CSRNP3: variants seen among roughly 807,000 people sequenced by gnomAD.
The protein encoded by CSRNP3 is cysteine and serine rich nuclear protein 3.
In CSRNP3, 12 loss-of-function variants were observed where a neutral mutation model predicts 48.0. The ratio of observed to expected loss-of-function variants is 0.25; its 90% CI spans 0.16 to 0.41. The LOEUF (loss-of-function observed/expected upper bound fraction) is 0.41, where lower values mean the gene tolerates loss of function less well. Among genes scored for constraint, CSRNP3 ranks in the 10% least tolerant of loss-of-function variants. The pLI is 1.00. For synonymous variants in CSRNP3, 263 were observed against 269.7 expected (o/e 0.98, Z 0.24); for missense variants, 580 against 724.4 (o/e 0.80, Z 2.29).
chr2:165,486,364 G>T (rs1459190794), intron 1 of CSRNP3, among the ~76,000 whole-genome samples: 2 of 151,238 alleles, frequency 1.3e-5, no homozygotes, highest in Non-Finnish European at 3.0e-5. Flanking sequence ...AGCGAGGCTG[G>T]GGGAGGGGCG....
intron 4 of CSRNP3, among the ~76,000 whole-genome samples, chr2:165,603,596 A>C (rs1685960615): frequency 6.6e-6 from 1 of 152,000 alleles, no homozygotes; most frequent in African/African-American, 2.4e-5. Flanking sequence ...TCTTTATATA[A>C]GTTTCCATGC....
chr2:165,581,434 A>G (rs1020370345), intron 3 of CSRNP3, among the ~76,000 whole-genome samples: 4 of 152,158 alleles, frequency 2.6e-5, no homozygotes, highest in Non-Finnish European at 4.4e-5. Context: ...TAGAGGCATC[A>G]GTCTTTGCAT....
intron 3 of CSRNP3, among the ~76,000 whole-genome samples, chr2:165,519,218 A>T (rs932660265): frequency 2.0e-5 from 3 of 152,146 alleles, no homozygotes; most frequent in Admixed American, 2.0e-4. Flanking sequence ...ATTTAATGTC[A>T]TAGAATATAG....
intron 3 of CSRNP3, among the ~76,000 whole-genome samples, chr2:165,535,792 T>C (rs1480526496): frequency 2.0e-5 from 3 of 151,842 alleles, no homozygotes; most frequent in Admixed American, 1.3e-4. Flanking sequence ...ACCTGCTAGA[T>C]GAAAGAAACT....
intron 3 of CSRNP3, among the ~76,000 whole-genome samples, chr2:165,527,890 C>G (rs966127212): frequency 7.0e-5 from 10 of 143,744 alleles, no homozygotes; most frequent in African/African-American, 2.6e-4. Flanking sequence ...TAAAAGAAAA[C>G]AAAGGGCAAT....
At chr2:165,608,829 G>A (rs964233166) in intron 4 of CSRNP3, among the ~76,000 whole-genome samples, 9 of 149,496 alleles carry the variant, frequency 6.0e-5, no homozygotes, top group African/African-American at 2.0e-4. Context: ...AGTGGCTCAC[G>A]CCTGTAATCC....
intron 2 of CSRNP3, among the ~76,000 whole-genome samples, chr2:165,504,776 A>T (rs1283931169): frequency 6.6e-6 from 1 of 152,146 alleles, no homozygotes; most frequent in East Asian, 1.9e-4. Context: ...CCCTCACATG[A>T]CTGAAGAAAT....
At chr2:165,559,165 T>A (rs992840228) in intron 3 of CSRNP3, among the ~76,000 whole-genome samples, 1 of 152,162 alleles carries the variant, frequency 6.6e-6, no homozygotes, top group Non-Finnish European at 1.5e-5. Context: ...ATATAGGAGT[T>A]TTTATTTCTT....
At chr2:165,590,862 C>T (rs1355683266) in intron 3 of CSRNP3, among the ~76,000 whole-genome samples, 2 of 152,126 alleles carry the variant, frequency 1.3e-5, no homozygotes, top group African/African-American at 4.8e-5. Flanking sequence ...GGTATTTCTT[C>T]ATAGCAGCAT....
chr2:165,547,307 T>C (rs1307069760), intron 3 of CSRNP3, among the ~76,000 whole-genome samples: 1 of 152,188 alleles, frequency 6.6e-6, no homozygotes, highest in Non-Finnish European at 1.5e-5. Flanking sequence ...AATGTGTTTC[T>C]GGACATGGAA....
At chr2:165,533,516 T>C (rs1684842346) in intron 3 of CSRNP3, among the ~76,000 whole-genome samples, 1 of 152,050 alleles carries the variant, frequency 6.6e-6, no homozygotes. Flanking sequence ...CATGCTCACA[T>C]TGTGTGCCCT....
At chr2:165,678,373 G>A (rs905444268) in intron 6 of CSRNP3, among the ~76,000 whole-genome samples, 11 of 151,994 alleles carry the variant, frequency 7.2e-5, no homozygotes, top group African/African-American at 2.4e-4. Context: ...AAACATGGGA[G>A]CAAAATTAAA....
In CSRNP3 at chr2:165,679,375, C is replaced by A. The variant is rs745689085; in HGVS notation, c.1380C>A (p.Val460=). The change falls in exon 7 of 7, where the codon GTC becomes GTA. Residue 460 remains valine (V), a synonymous_variant. Coordinates refer to ENST00000651982, the MANE Select transcript of CSRNP3 (RefSeq NM_001172173.2). ...ISENYSERDT[V]KNGTLSLVPY... is the part of the protein sequence containing the mutation. ...AGAACTATTCTGAAAGAGACACTGT[C>A]AAAAATGGTACCCTTTCGCTGGTGC... 6.2e-7 allele frequency: 1 copy of A among 1,613,370 alleles called. No individual in the cohort carries two copies. Among genetic ancestry groups the A allele is most frequent in the South Asian group, 1.1e-5 (1 of 90,998 alleles).
At chr2:165,612,214 A>G (rs1001542773) in intron 4 of CSRNP3, among the ~76,000 whole-genome samples, 5 of 152,096 alleles carry the variant, frequency 3.3e-5, no homozygotes, top group Non-Finnish European at 5.9e-5. Context: ...TATTATGTCT[A>G]TAGTAACAAA....
intron 3 of CSRNP3, among the ~76,000 whole-genome samples, chr2:165,563,043 G>A (rs1480198335): frequency 1.3e-5 from 2 of 152,130 alleles, no homozygotes; most frequent in Non-Finnish European, 2.9e-5. Flanking sequence ...CTGAAAATGT[G>A]CTTCTATACC....
In CSRNP3 at chr2:165,668,860, A is replaced by G. The variant is rs1486915783; in HGVS notation, c.409-7452A>G. Among the ~76,000 whole-genome samples the G allele has an allele frequency of 5.3e-5, 8 of 152,010 alleles. No individual in the cohort carries two copies. In the East Asian group the frequency reaches 1.6e-3, roughly 29 times the overall value. On this transcript the variant is annotated intron_variant, in intron 5 of 6. Coordinates refer to ENST00000651982, the MANE Select transcript of CSRNP3 (RefSeq NM_001172173.2). ...TCTACCATTGCTCTTAAGAATTTTTACTCCAACTGGTCTTGAAAGCATGGC... is the reference window on the plus strand; with the variant it reads ...TCTACCATTGCTCTTAAGAATTTTTGCTCCAACTGGTCTTGAAAGCATGGC...
chr2:165,555,525 G>A (rs1272611420), intron 3 of CSRNP3, among the ~76,000 whole-genome samples: 1 of 152,132 alleles, frequency 6.6e-6, no homozygotes, highest in African/African-American at 2.4e-5. Flanking sequence ...TAAATGGCTT[G>A]CCAAGTCATT....
intron 2 of CSRNP3, among the ~76,000 whole-genome samples, chr2:165,509,449 GA>G (rs992266123): frequency 5.9e-5 from 9 of 152,116 alleles, no homozygotes; most frequent in African/African-American, 2.2e-4. Context: ...AAGATGTGGG[GA>G]CTTGGCCTAA....
chr2:165,660,171 G>A (rs1316507684), intron 5 of CSRNP3, among the ~76,000 whole-genome samples: 1 of 152,190 alleles, frequency 6.6e-6, no homozygotes, highest in Admixed American at 6.5e-5. Flanking sequence ...TACCCAAAGA[G>A]TGAAGTCGTT....
Sources: gnomAD v4.1 joint callset for allele counts (sites outside exome capture counted in the v4.1 genomes callset) on GRCh38, gnomAD v4.1.1 for gene constraint, MANE v1.5 for transcripts, NCBI Gene and HGNC (gene_info 2026-07-23, HGNC 2026-07-21) for gene names.